Variants in SYNJ2BP observed in about 807,000 individuals in gnomAD.
SYNJ2BP encodes synaptojanin-2-binding protein.
In SYNJ2BP, 10 loss-of-function variants were observed where a neutral mutation model predicts 16.9. That is an observed-to-expected ratio of 0.59 (90% CI 0.36 to 1.00). SYNJ2BP has a LOEUF of 1.00. Ranked by LOEUF, SYNJ2BP falls within the 50% of genes least tolerant of loss-of-function variation. SYNJ2BP has a pLI of 0.01. For synonymous variants in SYNJ2BP, 54 were observed against 68.4 expected (o/e 0.79, Z 1.04); for missense variants, 162 against 186.7 (o/e 0.87, Z 0.77).
At chr14:70,407,003 T>C (rs1404358008) in intron 1 of SYNJ2BP, among the ~76,000 whole-genome samples, 4 of 152,220 alleles carry the variant, frequency 2.6e-5, no homozygotes, top group Admixed American at 1.3e-4. Flanking sequence ...CTTCATTGAA[T>C]GTGAATCATG....
In SYNJ2BP at chr14:70,367,981, C is replaced by T. The variant is rs1336599742; in HGVS notation, c.*5010G>A. On this transcript the variant is annotated 3_prime_UTR_variant, in exon 4 of 4. Coordinates refer to ENST00000256366, the MANE Select transcript of SYNJ2BP (RefSeq NM_018373.3). ...AGGAAAAAAACCTTCATCTGACCAA[C>T]GATAAATTTCACTAAAATTGACTAT... 5 of 152,220 alleles carry T rather than the reference C, an allele frequency of 3.3e-5. No individual in the cohort carries two copies. The East Asian group carries it at 9.7e-4, about 29-fold the overall frequency. The allele number at this position is 152,220 out of a possible 1,614,324, so 9.4% of individuals were successfully genotyped here. A position where few individuals can be genotyped will look rare whatever the true frequency, so the allele number is the denominator to read the frequency against.
At chr14:70,411,043 G>A (rs142165123) in intron 1 of SYNJ2BP, among the ~76,000 whole-genome samples, 133 of 152,192 alleles carry the variant, frequency 8.7e-4, no homozygotes, top group Middle Eastern at 3.4e-3. Context: ...TAAAATATAT[G>A]TTCTTTGACT....
At chr14:70,412,287 G>A (rs1375651746) in intron 1 of SYNJ2BP, among the ~76,000 whole-genome samples, 1 of 152,098 alleles carries the variant, frequency 6.6e-6, no homozygotes, top group East Asian at 1.9e-4. Context: ...TACTGCAGTG[G>A]AAAGTAGTAT....
chr14:70,380,718 C>T (rs1887730995), intron 2 of SYNJ2BP, among the ~76,000 whole-genome samples: 1 of 151,312 alleles, frequency 6.6e-6, no homozygotes, highest in Admixed American at 6.6e-5. Flanking sequence ...ATTAATATTA[C>T]TATTCATTTG....
Position 70,366,958 on chromosome 14 carries a change from T to C in SYNJ2BP, c.*6033A>G, listed in dbSNP as rs566420032. 36 of 152,316 alleles carry C rather than the reference T, an allele frequency of 2.4e-4. No individual in the cohort carries two copies. Among genetic ancestry groups the C allele is most frequent in the African/African-American group, 8.4e-4 (35 of 41,564 alleles). 9.4% of individuals were successfully genotyped at this position (152,316 alleles called of 1,614,324 possible). A position where few individuals can be genotyped will look rare whatever the true frequency, so the allele number is the denominator to read the frequency against. On this transcript the variant is annotated 3_prime_UTR_variant, in exon 4 of 4. Transcript: ENST00000256366. ...CATCTCCATTTGCAAATCTACAAAC[T>C]AGGAGGAAGGACTAACCCTTTTCCT... is the stretch of plus-strand genomic sequence containing the variant.
chr14:70,401,040 AT>A (rs1276952515), intron 1 of SYNJ2BP, among the ~76,000 whole-genome samples: 1 of 152,226 alleles, frequency 6.6e-6, no homozygotes, highest in African/African-American at 2.4e-5. Context: ...TGACTTATAT[AT>A]AACACTTATG....
intron 3 of SYNJ2BP, among the ~76,000 whole-genome samples, chr14:70,373,376 G>A (rs1197372234): frequency 1.3e-5 from 2 of 152,096 alleles, no homozygotes; most frequent in Non-Finnish European, 2.9e-5. Context: ...GACCCGTGAG[G>A]GCAAGTCAGG....
intron 2 of SYNJ2BP, among the ~76,000 whole-genome samples, chr14:70,387,961 G>C (rs1887896808): frequency 6.6e-6 from 1 of 152,118 alleles, no homozygotes; most frequent in Non-Finnish European, 1.5e-5. Flanking sequence ...CAGCGGACAG[G>C]TACCCAAATC....
Position 70,393,552 on chromosome 14 carries a change from C to T in SYNJ2BP, c.65-4946G>A, listed in dbSNP as rs58979335. ...CAATAGCAAAGACTTGGAACCAACCCAAATGCCCATCAACAATAGACTGGA... is the reference window on the plus strand; with the variant it reads ...CAATAGCAAAGACTTGGAACCAACCTAAATGCCCATCAACAATAGACTGGA... On this transcript the variant is annotated intron_variant, in intron 1 of 3. Coordinates refer to ENST00000256366, the MANE Select transcript of SYNJ2BP (RefSeq NM_018373.3). Among the ~76,000 whole-genome samples the T allele has an allele frequency of 6.6e-3, 1,001 of 152,238 alleles. 17 individuals carry two copies. The highest frequency in any genetic ancestry group is 0.023 in the African/African-American group (935 of 41,534).
chr14:70,384,945 A>G (rs762211444), intron 2 of SYNJ2BP, among the ~76,000 whole-genome samples: 6 of 152,144 alleles, frequency 3.9e-5, no homozygotes, highest in Non-Finnish European at 7.3e-5. Flanking sequence ...TATGTCTTCT[A>G]TCTCTGCCTC....
chr14:70,415,343 A>T (rs1297984186), intron 1 of SYNJ2BP, among the ~76,000 whole-genome samples: 3 of 151,174 alleles, frequency 2.0e-5, no homozygotes, highest in Admixed American at 6.6e-5. Flanking sequence ...TCAGGAGTTT[A>T]AATGAGACCA....
chr14:70,408,167 G>T lies in SYNJ2BP; in HGVS notation c.64+8733C>A, dbSNP rs527994878. ...TAATAGGGTTTTTTTATAAACTAAG[G>T]CATAAAAGGAGGGAAAAAGAGAAAC... is the stretch of plus-strand genomic sequence containing the variant. On this transcript the variant is annotated intron_variant, in intron 1 of 3. Coordinates refer to ENST00000256366, the MANE Select transcript of SYNJ2BP (RefSeq NM_018373.3). Among the ~76,000 whole-genome samples the T allele has an allele frequency of 1.3e-4, 19 of 151,554 alleles. No individual in the cohort carries two copies. In the South Asian group the frequency reaches 3.8e-3, roughly 30 times the overall value.
rs1405626509 is a variant in SYNJ2BP, at chr14:70,369,856, C to G, written c.*3135G>C. 6.6e-6 allele frequency: 1 copy of G among 152,258 alleles called. No homozygotes were observed. The highest frequency in any genetic ancestry group is 6.5e-5 in the Admixed American group (1 of 15,298). The allele number at this position is 152,258 out of a possible 1,614,324, so 9.4% of individuals were successfully genotyped here. A position where few individuals can be genotyped will look rare whatever the true frequency, so the allele number is the denominator to read the frequency against. The stretch of plus-strand genomic sequence containing the variant: ...TGTTTTAAGTACTTAAAAATACCTT[C>G]GTTCAATTTTCAAAACTTTGAACGT... On this transcript the variant is annotated 3_prime_UTR_variant, in exon 4 of 4. Transcript: ENST00000256366.
In SYNJ2BP at chr14:70,375,782, A is replaced by G. The variant is rs199670786; in HGVS notation, c.202-11T>C. The G allele has an allele frequency of 2.5e-6, 4 of 1,612,402 alleles. No homozygotes were observed. The highest frequency in any genetic ancestry group is 2.7e-5 in the African/African-American group (2 of 74,882). On this transcript the variant is annotated splice_polypyrimidine_tract_variant and intron_variant, in intron 2 of 3. Coordinates refer to ENST00000256366, the MANE Select transcript of SYNJ2BP (RefSeq NM_018373.3). ...GTCTTGGCCATTTACCTGTCAAAAC[A>G]CCAAAGAGTAGTAAGAAAGGAAGAA...
chr14:70,391,785 T>C (rs1887985965), intron 1 of SYNJ2BP, among the ~76,000 whole-genome samples: 1 of 152,156 alleles, frequency 6.6e-6, no homozygotes, highest in South Asian at 2.1e-4. Context: ...AAAAGAGCCG[T>C]CTACTACACA....
intron 3 of SYNJ2BP, among the ~76,000 whole-genome samples, chr14:70,375,197 C>CT (rs1555347182): frequency 8.6e-6 from 1 of 115,742 alleles, no homozygotes; most frequent in East Asian, 3.1e-4. Context: ...TTTTTTTTCT[C>CT]TTTTTTTCTT....
chr14:70,385,302 G>A (rs530312575), intron 2 of SYNJ2BP, among the ~76,000 whole-genome samples: 7 of 151,866 alleles, frequency 4.6e-5, no homozygotes, highest in Non-Finnish European at 7.4e-5. Context: ...CCTTATTTCT[G>A]ATTCTACCCT....
intron 2 of SYNJ2BP, among the ~76,000 whole-genome samples, chr14:70,384,186 T>C (rs1439779612): frequency 6.6e-6 from 1 of 152,186 alleles, no homozygotes; most frequent in Non-Finnish European, 1.5e-5. Flanking sequence ...CTAGGAAATT[T>C]ACATGTCACA....
rs994118253 is a variant in SYNJ2BP, at chr14:70,407,417, G to A, written c.64+9483C>T. Among the ~76,000 whole-genome samples the A allele has an allele frequency of 8.5e-5, 12 of 140,942 alleles. No homozygotes were observed. The East Asian group carries it at 2.1e-3, about 24-fold the overall frequency. The allele number at this position is 140,942 out of a possible 152,430, so 92.5% of individuals were successfully genotyped here. Reference sequence around the variant, plus strand: ...TGCACTCCAGCCTGGGCAACAGAGCGAGACTCCGTCTCAAAAAAAAAAAAA... The same window carrying A: ...TGCACTCCAGCCTGGGCAACAGAGCAAGACTCCGTCTCAAAAAAAAAAAAA... On this transcript the variant is annotated intron_variant, in intron 1 of 3. Coordinates refer to ENST00000256366, the MANE Select transcript of SYNJ2BP (RefSeq NM_018373.3).
Sources: gnomAD v4.1 joint callset for allele counts (sites outside exome capture counted in the v4.1 genomes callset) on GRCh38, gnomAD v4.1.1 for gene constraint, MANE v1.5 for transcripts, NCBI Gene and HGNC (gene_info 2026-07-23, HGNC 2026-07-21) for gene names.